The following ANO7 variants were observed in gnomAD, a reference collection of about 807,000 sequenced individuals.
ANO7 encodes the protein anoctamin-7.
Under a neutral mutation model 115.8 loss-of-function variants are expected in ANO7, and 114 were observed. That is an observed-to-expected ratio of 0.98 (90% CI 0.85 to 1.15). The LOEUF is 1.15. Among genes scored for constraint, ANO7 ranks in the 50% most tolerant of loss-of-function variants. The probability of loss-of-function intolerance (pLI) is 0.00; values close to 1 mark genes in which losing one functional copy is unlikely to be tolerated. For synonymous variants in ANO7, 550 were observed against 498.2 expected (o/e 1.10, Z -1.38); for missense variants, 1,302 against 1,201.2 (o/e 1.08, Z -1.24).
At chr2:241,202,398 TG>T (rs1385017958) in intron 8 of ANO7, 94 bp downstream of exon 8, 12 of 1,176,330 alleles carry the variant, frequency 1.0e-5, no homozygotes, top group Non-Finnish European at 1.4e-5. Flanking sequence ...GGGGCAGGCA[TG>T]GTCAGCCGGC....
chr2:241,235,375 C>A, the ANO7 span: 1 of 1,504,102 alleles, frequency 6.6e-7, no homozygotes, highest in Non-Finnish European at 9.2e-7. Flanking sequence ...GAAGTCAGTG[C>A]CCAGTCCGAG....
chr2:241,192,274 G>A (rs772569813), intron 3 of ANO7, among the ~76,000 whole-genome samples: 2 of 152,200 alleles, frequency 1.3e-5, no homozygotes, highest in African/African-American at 2.4e-5. Flanking sequence ...GCGGTGAACC[G>A]AGGTCGCGCC....
At chr2:241,235,622 C>G in the ANO7 span, 1 of 1,528,122 alleles carries the variant, frequency 6.5e-7, no homozygotes, top group Non-Finnish European at 9.1e-7. Context: ...ATGGTTAGGC[C>G]GTGGGAGCTG....
At chr2:241,202,472 C>T (rs750014867) in intron 8 of ANO7, among the ~76,000 whole-genome samples, 168 bp downstream of exon 8, 4 of 152,218 alleles carry the variant, frequency 2.6e-5, no homozygotes, top group South Asian at 2.1e-4. Context: ...CAGGCCATCC[C>T]GTGGCCTGTC....
rs777535313 is a variant in ANO7 at position 241,200,193 on chromosome 2, C to T, written c.522C>T (p.Tyr174=). 1 of 1,613,148 alleles carries T rather than the reference C, an allele frequency of 6.2e-7. No homozygotes were observed. The highest frequency in any genetic ancestry group is 1.1e-5 in the South Asian group (1 of 91,072). The change falls in exon 6 of 25, where the codon TAC becomes TAT. Residue 174 remains tyrosine (Y), a synonymous_variant. Transcript: ENST00000674324. ...EVVPDVPPEY[Y]SCRFRVNKLP... is the part of the protein sequence containing the mutation. ...TGCCAGACGTACCCCCCGAGTACTA[C>T]TCCTGCCGGTTCAGAGTGAACAAGC...
Position 241,223,797 on chromosome 2 carries a change from C to T in ANO7, c.2532+16C>T, listed in dbSNP as rs1213083238. ...TGAGAATGAGGTGAACTGTACAGCC[C>T]AGTCTCGGCCCTCCCCCCAGCCCTC... On this transcript the variant is annotated intron_variant, in intron 23 of 24. Coordinates refer to ENST00000674324, the MANE Select transcript of ANO7 (RefSeq NM_001370694.2). 6.2e-7 allele frequency: 1 copy of T among 1,614,078 alleles called. No homozygotes were observed. The highest frequency in any genetic ancestry group is 1.7e-5 in the Admixed American group (1 of 60,002).
the ANO7 span, among the ~76,000 whole-genome samples, chr2:241,232,854 A>AT: frequency 7.1e-6 from 1 of 141,732 alleles, no homozygotes; most frequent in Non-Finnish European, 1.6e-5. Flanking sequence ...AAGACTAAAA[A>AT]TTAAAAAATG....
intron 5 of ANO7, among the ~76,000 whole-genome samples, 190 bp from the exon 6 acceptor site, chr2:241,199,899 A>C (rs1237236293): frequency 6.6e-6 from 1 of 152,200 alleles, no homozygotes; most frequent in Non-Finnish European, 1.5e-5. Flanking sequence ...CAAGCTGAGC[A>C]GCCTCAGAGC....
At chr2:241,194,277 G>A (rs1478536583) in intron 3 of ANO7, among the ~76,000 whole-genome samples, 2 of 144,286 alleles carry the variant, frequency 1.4e-5, no homozygotes, top group Non-Finnish European at 3.0e-5. Flanking sequence ...CACTGCCTAT[G>A]TGTCATAGGT....
downstream of ANO7, chr2:241,227,811 G>T (rs1339147344): frequency 6.6e-6 from 1 of 151,626 alleles, no homozygotes; most frequent in Non-Finnish European, 1.5e-5. Flanking sequence ...TGGGGAAGAG[G>T]TGACAGCCCT....
intron 6 of ANO7, 114 bp downstream of exon 6, chr2:241,200,339 A>G: frequency 5.1e-6 from 7 of 1,363,040 alleles, no homozygotes; most frequent in Non-Finnish European, 5.9e-6. Context: ...AGTTTTCGGC[A>G]GGGAATCTGA....
intron 21 of ANO7, among the ~76,000 whole-genome samples, chr2:241,220,795 G>A (rs542528340): frequency 7.9e-5 from 12 of 152,020 alleles, no homozygotes; most frequent in South Asian, 6.2e-4. Flanking sequence ...GCAAGGCTCC[G>A]TCTCAGAAAA....
the ANO7 span, among the ~76,000 whole-genome samples, chr2:241,236,993 G>C: frequency 2.4e-4 from 31 of 131,798 alleles, no homozygotes; most frequent in Non-Finnish European, 3.3e-4. Flanking sequence ...GGGGGGGGGG[G>C]GCGGCAATGA....
intron 21 of ANO7, among the ~76,000 whole-genome samples, chr2:241,219,030 C>A (rs1233184563): frequency 6.6e-6 from 1 of 152,210 alleles, no homozygotes; most frequent in Non-Finnish European, 1.5e-5. Context: ...TTTTTGCTTT[C>A]TTCCTTTTCT....
intron 18 of ANO7, 132 bp downstream of exon 18, chr2:241,215,034 A>G: frequency 1.2e-6 from 1 of 834,162 alleles, no homozygotes; most frequent in Non-Finnish European, 1.8e-6. Flanking sequence ...GGGGAGGGGG[A>G]GGGGGAGTGT....
intron 21 of ANO7, among the ~76,000 whole-genome samples, 178 bp from the exon 22 acceptor site, chr2:241,223,008 C>CA (rs2069063190): frequency 6.6e-6 from 1 of 152,302 alleles, no homozygotes; most frequent in South Asian, 2.1e-4. Flanking sequence ...AAGGTATTGT[C>CA]AGAGTATCCT....
intron 15 of ANO7, among the ~76,000 whole-genome samples, chr2:241,211,706 G>C (rs1032426660): frequency 3.9e-5 from 6 of 152,018 alleles, no homozygotes; most frequent in Admixed American, 1.3e-4. Context: ...GGTTGCTGTG[G>C]GGTGTTGAGC....
intron 10 of ANO7, 73 bp downstream of exon 10, chr2:241,205,028 T>C: frequency 1.5e-6 from 2 of 1,292,884 alleles, no homozygotes; most frequent in Admixed American, 1.8e-5. Context: ...GGGGGACCCC[T>C]AGGTGCTAGG....
In ANO7 at chr2:241,199,353, C is replaced by T. The variant is rs759319059; in HGVS notation, c.347C>T (p.Ala116Val). Residue 116 changes from alanine (A) to valine (V), a missense_variant, in exon 5 of 25, where the codon GCC becomes GTC. By Grantham distance (64) the Ala-to-Val change is moderately conservative. Coordinates refer to ENST00000674324, the MANE Select transcript of ANO7 (RefSeq NM_001370694.2). ...GACGGGAACACCACAGTGCACTACG[C>T]CCTCCTCAGCGCCTCCTGGGCTGTG... ...VQDGNTTVHY[A>V]LLSASWAVLC... 1.9e-6 allele frequency: 3 copies of T among 1,613,748 alleles called. No individual in the cohort carries two copies. The highest frequency in any genetic ancestry group is 1.1e-5 in the South Asian group (1 of 91,090).
Sources: allele counts gnomAD v4.1 joint callset (sites outside exome capture counted in the v4.1 genomes callset), GRCh38; gene constraint gnomAD v4.1.1; transcripts MANE v1.5; gene names NCBI Gene and HGNC (gene_info 2026-07-23, HGNC 2026-07-21).